STK17A: variants seen among roughly 807,000 people sequenced by gnomAD.
STK17A encodes the protein serine/threonine-protein kinase 17A.
A neutral mutation model predicts 43.7 loss-of-function variants in STK17A; 26 were observed. That is an observed-to-expected ratio of 0.60 (90% CI 0.44 to 0.83). The LOEUF (loss-of-function observed/expected upper bound fraction) is 0.83, where lower values mean the gene tolerates loss of function less well. Ranked by LOEUF, STK17A falls within the 40% of genes least tolerant of loss-of-function variation. The probability of loss-of-function intolerance (pLI) is 0.00; values close to 1 mark genes in which losing one functional copy is unlikely to be tolerated. For missense variants in STK17A, 476 were observed against 511.6 expected, an observed-to-expected ratio of 0.93 and a Z score of 0.67; for synonymous variants, 191 against 182.5, an observed-to-expected ratio of 1.05 and a Z score of -0.38.
rs79631080 is a variant in STK17A at position 43,594,827 on chromosome 7, G to A, written c.207-1074G>A. 9.0e-3 allele frequency among the ~76,000 whole-genome samples: 1,337 copies of A among 148,734 alleles called. 24 individuals are homozygous for A. Among genetic ancestry groups the A allele is most frequent in the African/African-American group, 0.031 (1,277 of 40,666 alleles). On this transcript the variant is annotated intron_variant, in intron 1 of 6. Transcript: ENST00000319357. ...TTTAATCCTAGCAGGATCACTTGAG[G>A]CCAGGAGTTCAATACTAGCCTGAGC...
chr7:43,599,683 GA>G (rs1347892459), intron 2 of STK17A, among the ~76,000 whole-genome samples: 1 of 152,186 alleles, frequency 6.6e-6, no homozygotes. Flanking sequence ...GACTTATTAG[GA>G]AACTGGCTTA....
rs1178714966 is a variant in STK17A at position 43,624,606 on chromosome 7, C to G, written c.1009C>G (p.Leu337Val). The change falls in exon 7 of 7, where the codon CTA becomes GTA. Residue 337 changes from leucine to valine, a missense_variant. This residue lies in a region of STK17A where 110 missense variants were observed against 103.7 expected (regional missense o/e 1.06). Coordinates refer to ENST00000319357, the MANE Select transcript of STK17A (RefSeq NM_004760.3). ...GCCTTCTTTCAGGATGGAAAAGGCA[C>G]TAGAAGAAGCAAATGCCCTCCAAGA... is the stretch of plus-strand genomic sequence containing the variant. Reference protein sequence around the residue: ...QEPSFRMEKALEEANALQEGH... With the variant: ...QEPSFRMEKAVEEANALQEGH... 2 of 1,613,976 alleles carry G rather than the reference C, an allele frequency of 1.2e-6. No individual in the cohort carries two copies. Among genetic ancestry groups the G allele is most frequent in the Non-Finnish European group, 1.7e-6 (2 of 1,180,018 alleles).
rs1395085477 is a variant in STK17A at position 43,627,158 on chromosome 7, C to T, written c.*2316C>T. Among the ~76,000 whole-genome samples the T allele has an allele frequency of 6.6e-6, 1 of 152,096 alleles. No individual in the cohort carries two copies. The highest frequency in any genetic ancestry group is 1.5e-5 in the Non-Finnish European group (1 of 68,020). Reference sequence around the variant, plus strand: ...TCAACAATATTTTGGTGTGGTGAAACGTTGTTTATGAAATGTATAAAATGT... The same window carrying T: ...TCAACAATATTTTGGTGTGGTGAAATGTTGTTTATGAAATGTATAAAATGT... On this transcript the variant is annotated 3_prime_UTR_variant, in exon 7 of 7. Coordinates refer to ENST00000319357, the MANE Select transcript of STK17A (RefSeq NM_004760.3).
At chr7:43,588,666 C>T (rs1191263832) in intron 1 of STK17A, among the ~76,000 whole-genome samples, 1 of 151,256 alleles carries the variant, frequency 6.6e-6, no homozygotes, top group African/African-American at 2.4e-5. Context: ...CATGGTGAAA[C>T]CTCATCTCTA....
chr7:43,616,680 G>C (rs1422138242), intron 3 of STK17A, among the ~76,000 whole-genome samples: 2 of 152,074 alleles, frequency 1.3e-5, no homozygotes, highest in Admixed American at 6.5e-5. Context: ...GGCGGATCAC[G>C]AGGTCAGGAG....
Position 43,598,450 on chromosome 7 carries a change from A to G in STK17A, c.419+2337A>G, listed in dbSNP as rs1228148176. Among the ~76,000 whole-genome samples the G allele has an allele frequency of 4.0e-5, 6 of 149,452 alleles. No homozygotes were observed. In the Admixed American group the frequency reaches 4.0e-4, roughly 10 times the overall value. On this transcript the variant is annotated intron_variant, in intron 2 of 6. Coordinates refer to ENST00000319357, the MANE Select transcript of STK17A (RefSeq NM_004760.3). Reference sequence around the variant, plus strand: ...GTGCCACTGCACTCCAGCCTGGGTGACACAGCAAGACTCCGTCTCAAAAAA... The same window carrying G: ...GTGCCACTGCACTCCAGCCTGGGTGGCACAGCAAGACTCCGTCTCAAAAAA...
intron 1 of STK17A, among the ~76,000 whole-genome samples, chr7:43,585,012 C>T (rs1466075207): frequency 1.3e-5 from 2 of 152,156 alleles, no homozygotes; most frequent in African/African-American, 2.4e-5. Context: ...GCCTGGCCAA[C>T]ATGGTGAAAC....
chr7:43,620,865 G>C (rs139704576), intron 4 of STK17A, among the ~76,000 whole-genome samples: 339 of 152,314 alleles, frequency 2.2e-3, no homozygotes, highest in African/African-American at 7.3e-3. Flanking sequence ...CCTGGGAGAA[G>C]AGGAGGGCGG....
Position 43,626,792 on chromosome 7 carries a change from G to GT in STK17A, c.*1951dup, listed in dbSNP as rs1421209557. ...AATAAATATATTTAATATAATTGCT[G>GT]TATTTGTGAGAAAGATCTGTTTTCT... On this transcript the variant is annotated 3_prime_UTR_variant, in exon 7 of 7. Transcript: ENST00000319357. The GT allele has an allele frequency of 5.3e-5, 8 of 152,126 alleles. No homozygotes were observed. Among genetic ancestry groups the GT allele is most frequent in the African/African-American group, 1.9e-4 (8 of 41,418 alleles). 9.4% of individuals were successfully genotyped at this position (152,126 alleles called of 1,614,324 possible). A position where few individuals can be genotyped will look rare whatever the true frequency, so the allele number is the denominator to read the frequency against.
chr7:43,616,981 A>G (rs1424839024), intron 3 of STK17A, among the ~76,000 whole-genome samples: 1 of 152,218 alleles, frequency 6.6e-6, no homozygotes, highest in Non-Finnish European at 1.5e-5. Flanking sequence ...AATCTGCTTC[A>G]CTACCATCTT....
intron 2 of STK17A, among the ~76,000 whole-genome samples, chr7:43,608,029 C>G (rs1487249338): frequency 1.3e-5 from 2 of 152,156 alleles, no homozygotes; most frequent in East Asian, 1.9e-4. Context: ...TACGTGTAAT[C>G]CCAACACCTT....
chr7:43,602,039 T>C (rs929868633), intron 2 of STK17A, among the ~76,000 whole-genome samples: 1 of 152,122 alleles, frequency 6.6e-6, no homozygotes, highest in Non-Finnish European at 1.5e-5. Flanking sequence ...ATCCCTCCTC[T>C]CTTCCTCTAA....
chr7:43,596,124 T>C lies in STK17A; in HGVS notation c.419+11T>C. The C allele has an allele frequency of 6.3e-7, 1 of 1,598,072 alleles. No homozygotes were observed. The highest frequency in any genetic ancestry group is 8.5e-7 in the Non-Finnish European group (1 of 1,170,122). On this transcript the variant is annotated intron_variant, in intron 2 of 6. Coordinates refer to ENST00000319357, the MANE Select transcript of STK17A (RefSeq NM_004760.3). Reference sequence around the variant, plus strand: ...CTTAGTTCTGGAATAGTAAGTATTGTCTTTCTTAGATTAAGTTTGTTTGGT... The same window carrying C: ...CTTAGTTCTGGAATAGTAAGTATTGCCTTTCTTAGATTAAGTTTGTTTGGT...
At chr7:43,597,287 A>C (rs1052611960) in intron 2 of STK17A, among the ~76,000 whole-genome samples, 1 of 150,494 alleles carries the variant, frequency 6.6e-6, no homozygotes. Context: ...CCAAAAGATC[A>C]AAATCTTGAA....
intron 2 of STK17A, among the ~76,000 whole-genome samples, chr7:43,598,821 T>C (rs941667688): frequency 6.6e-6 from 1 of 151,830 alleles, no homozygotes. Flanking sequence ...TGGAGTGCAG[T>C]GGCATGATCT....
chr7:43,621,274 A>G (rs959038912), intron 4 of STK17A, among the ~76,000 whole-genome samples: 2 of 152,206 alleles, frequency 1.3e-5, no homozygotes, highest in Non-Finnish European at 2.9e-5. Flanking sequence ...ACTGACTAAT[A>G]TGCGTCATGA....
Position 43,608,387 on chromosome 7 carries a change from A to T in STK17A, c.551A>T (p.His184Leu), listed in dbSNP as rs1193662801. ...TTTTTACACACTCGTGATGTAGTTCATCTTGATTTGAAGGTAAGATTCAAA... is the reference window on the plus strand; with the variant it reads ...TTTTTACACACTCGTGATGTAGTTCTTCTTGATTTGAAGGTAAGATTCAAA... Reference protein sequence around the residue: ...VHFLHTRDVVHLDLKPQNILL... With the variant: ...VHFLHTRDVVLLDLKPQNILL... Residue 184 changes from histidine to leucine, a missense_variant, in exon 3 of 7, where the codon CAT (histidine) becomes CTT (leucine). Physicochemically the swap from His to Leu is moderately conservative, Grantham distance 99. Coordinates refer to ENST00000319357, the MANE Select transcript of STK17A (RefSeq NM_004760.3). The T allele has an allele frequency of 6.2e-7, 1 of 1,602,938 alleles. No individual in the cohort carries two copies. Among genetic ancestry groups the T allele is most frequent in the Non-Finnish European group, 8.5e-7 (1 of 1,176,820 alleles).
At chr7:43,599,000 G>A (rs1289871856) in intron 2 of STK17A, among the ~76,000 whole-genome samples, 1 of 152,066 alleles carries the variant, frequency 6.6e-6, no homozygotes, top group East Asian at 1.9e-4. Flanking sequence ...CTTGACCTCA[G>A]GTGATCCACC....
At chr7:43,585,068 G>T (rs554743862) in intron 1 of STK17A, among the ~76,000 whole-genome samples, 81 of 152,102 alleles carry the variant, frequency 5.3e-4, no homozygotes, top group African/African-American at 1.6e-3. Flanking sequence ...CTGGTGGTGG[G>T]CGCCTGTAAT....
Sources: gnomAD v4.1 joint callset for allele counts (sites outside exome capture counted in the v4.1 genomes callset) on GRCh38, gnomAD v4.1.1 for gene constraint, gnomAD v4.1.1 regional missense constraint, MANE v1.5 for transcripts, NCBI Gene and HGNC (gene_info 2026-07-23, HGNC 2026-07-21) for gene names.